FHIT: variants seen among roughly 807,000 people sequenced by gnomAD.
FHIT encodes fragile histidine triad diadenosine triphosphatase, also known as bis(5'-adenosyl)-triphosphatase.
In FHIT, 19 loss-of-function variants were observed where a neutral mutation model predicts 17.9. The observed-to-expected ratio is 1.06, with a 90% CI of 0.74 to 1.56. The LOEUF (loss-of-function observed/expected upper bound fraction) is 1.56. Among genes scored for constraint, FHIT ranks in the 40% most tolerant of loss-of-function variants. The pLI is 0.00. For synonymous variants in FHIT, 81 were observed against 69.7 expected (o/e 1.16, Z -0.81); for missense variants, 248 against 189.2 (o/e 1.31, Z -1.82).
chr3:59,970,413 G>A (rs1708122238), intron 7 of FHIT, among the ~76,000 whole-genome samples: 2 of 152,026 alleles, frequency 1.3e-5, no homozygotes, highest in Admixed American at 6.6e-5. Context: ...ACAAACACAA[G>A]GGTGTTGCTT....
chr3:60,724,741 C>G (rs782015347), intron 4 of FHIT, among the ~76,000 whole-genome samples: 14 of 150,968 alleles, frequency 9.3e-5, no homozygotes, highest in South Asian at 2.1e-4. Flanking sequence ...CACCACCTCC[C>G]AGGTTCAAGC....
At chr3:60,077,729 C>CATATAT (rs1403752107) in intron 5 of FHIT, among the ~76,000 whole-genome samples, 50 of 67,248 alleles carry the variant, frequency 7.4e-4, no homozygotes, top group African/African-American at 2.3e-3. Context: ...CACACACACA[C>CATATAT]ATATATAGAG....
chr3:60,203,531 T>C (rs1703016043), intron 5 of FHIT, among the ~76,000 whole-genome samples: 1 of 152,214 alleles, frequency 6.6e-6, no homozygotes, highest in Non-Finnish European at 1.5e-5. Flanking sequence ...AGCTCCTTTT[T>C]GCAATTCATA....
intron 3 of FHIT, among the ~76,000 whole-genome samples, chr3:60,904,480 C>CAAAAAAAAAAAAAAAAAAA (rs36117889): frequency 7.3e-6 from 1 of 136,420 alleles, no homozygotes. Context: ...AATCCAAATG[C>CAAAAAAAAAAAAAAAAAAA]AAAAAAAAAA....
chr3:61,119,317 C>A (rs1354402400), intron 2 of FHIT, among the ~76,000 whole-genome samples: 1 of 152,050 alleles, frequency 6.6e-6, no homozygotes. Flanking sequence ...CTCCCAGGGT[C>A]AAGCGATTCC....
Position 59,878,430 on chromosome 3 carries a change from G to C in FHIT, c.348+43916C>G, listed in dbSNP as rs915907057. On this transcript the variant is annotated intron_variant, in intron 8 of 9. Coordinates refer to ENST00000492590, the MANE Select transcript of FHIT (RefSeq NM_002012.4). ...TTTCAATAATATGGGTTTGTCACAGGTTGTTATGGGCTCTAACTAACAGCT... is the reference window on the plus strand; with the variant it reads ...TTTCAATAATATGGGTTTGTCACAGCTTGTTATGGGCTCTAACTAACAGCT... 2.0e-5 allele frequency among the ~76,000 whole-genome samples: 3 copies of C among 152,220 alleles called. No homozygotes were observed. In the East Asian group the frequency reaches 5.8e-4, roughly 29 times the overall value.
intron 8 of FHIT, among the ~76,000 whole-genome samples, chr3:59,804,075 T>C (rs78171822): frequency 0.031 from 4,679 of 152,330 alleles, 227 homozygotes; most frequent in African/African-American, 0.1. Context: ...TCATCATTGA[T>C]GTGGCTTGAT....
At chr3:60,550,894 G>A (rs1047939595) in intron 4 of FHIT, among the ~76,000 whole-genome samples, 3 of 152,092 alleles carry the variant, frequency 2.0e-5, no homozygotes, top group African/African-American at 4.8e-5. Flanking sequence ...CAGTCAACAA[G>A]GAAAAATATT....
At chr3:61,208,954 C>T (rs1001012460) in intron 1 of FHIT, among the ~76,000 whole-genome samples, 1 of 151,954 alleles carries the variant, frequency 6.6e-6, no homozygotes, top group African/African-American at 2.4e-5. Context: ...GTGGCTGGTA[C>T]TGGTTGTTCC....
chr3:60,078,035 T>C (rs1307664824), intron 5 of FHIT, among the ~76,000 whole-genome samples: 1 of 152,040 alleles, frequency 6.6e-6, no homozygotes, highest in Non-Finnish European at 1.5e-5. Flanking sequence ...CTTACAGAAT[T>C]TCAAGTCATA....
At chr3:60,273,104 G>C (rs1706950050) in intron 5 of FHIT, among the ~76,000 whole-genome samples, 1 of 152,164 alleles carries the variant, frequency 6.6e-6, no homozygotes, top group Non-Finnish European at 1.5e-5. Context: ...TACATAAAGA[G>C]AACATCTATG....
At chr3:61,072,705 A>C (rs2034844826) in intron 2 of FHIT, among the ~76,000 whole-genome samples, 2 of 152,140 alleles carry the variant, frequency 1.3e-5, no homozygotes, top group Admixed American at 6.5e-5. Context: ...ATTTTTGTTT[A>C]AATCAGTTGA....
intron 4 of FHIT, among the ~76,000 whole-genome samples, chr3:60,798,669 C>CTAGTAAAT (rs1553731212): frequency 1.3e-5 from 2 of 150,876 alleles, no homozygotes; most frequent in East Asian, 3.9e-4. Flanking sequence ...GAATTACAGT[C>CTAGTAAAT]TAGTAAATTC....
intron 7 of FHIT, among the ~76,000 whole-genome samples, chr3:59,984,458 G>A (rs1041952748): frequency 6.6e-6 from 1 of 151,964 alleles, no homozygotes; most frequent in Non-Finnish European, 1.5e-5. Flanking sequence ...TTACGACATA[G>A]GAAGCTGGGG....
intron 4 of FHIT, among the ~76,000 whole-genome samples, chr3:60,801,332 C>T (rs1553732189): frequency 6.6e-6 from 1 of 152,204 alleles, no homozygotes; most frequent in Non-Finnish European, 1.5e-5. Flanking sequence ...AGGCAAGAGG[C>T]TTCAGGTCAC....
intron 5 of FHIT, among the ~76,000 whole-genome samples, chr3:60,297,134 C>T (rs1708249222): frequency 6.6e-6 from 1 of 151,952 alleles, no homozygotes; most frequent in Admixed American, 6.6e-5. Context: ...GTTCCTGTGC[C>T]TTTACATATG....
chr3:61,009,778 A>C (rs539176353), intron 3 of FHIT, among the ~76,000 whole-genome samples: 1 of 152,172 alleles, frequency 6.6e-6, no homozygotes, highest in Non-Finnish European at 1.5e-5. Flanking sequence ...ACTTCTAATA[A>C]ATAAATAATG....
intron 5 of FHIT, among the ~76,000 whole-genome samples, chr3:60,226,192 G>T (rs1181258638): frequency 6.6e-6 from 1 of 152,064 alleles, no homozygotes; most frequent in Non-Finnish European, 1.5e-5. Flanking sequence ...AGCACTGTTG[G>T]CTGGGCGCAG....
At chr3:60,413,935 G>T (rs1467733185) in intron 5 of FHIT, among the ~76,000 whole-genome samples, 2 of 152,124 alleles carry the variant, frequency 1.3e-5, no homozygotes, top group Non-Finnish European at 2.9e-5. Flanking sequence ...TATGGTTTTA[G>T]CAATTACAAA....
Sources: gnomAD v4.1 joint callset for allele counts (sites outside exome capture counted in the v4.1 genomes callset) on GRCh38, gnomAD v4.1.1 for gene constraint, MANE v1.5 for transcripts, NCBI Gene and HGNC (gene_info 2026-07-23, HGNC 2026-07-21) for gene names.